CRACR2A: variants seen among roughly 807,000 people sequenced by gnomAD.
CRACR2A encodes calcium release activated channel regulator 2A.
CRACR2A carries 79 observed loss-of-function variants against 90.5 expected under a neutral mutation model. That is an observed-to-expected ratio of 0.87 (90% confidence interval 0.73 to 1.05). The LOEUF is 1.05. CRACR2A is among the 50% of genes least tolerant of loss of function. CRACR2A has a pLI of 0.00. For missense variants in CRACR2A, 823 were observed against 897.2 expected, an observed-to-expected ratio of 0.92 and a Z score of 1.06; for synonymous variants, 338 against 356.7, an observed-to-expected ratio of 0.95 and a Z score of 0.59.
At position 3,641,812 on chromosome 12, in the gene CRACR2A, T is replaced by C. The variant is rs746161966; in HGVS notation, c.1191A>G (p.Thr397=). 2.9e-5 allele frequency: 45 copies of C among 1,551,606 alleles called. No individual in the cohort carries two copies. The South Asian group carries it at 5.4e-4, about 18-fold the overall frequency. ...TTTTCCAACTTGCCCTGGAAGCAGC[T>C]GTGTTTGCCTTGGCTGCCTTATTTT... The part of the protein sequence containing the change: ...FQKNKAAKAN[T]AASRASWKKR... The change falls in exon 13 of 20, where the codon ACA becomes ACG. Residue 397 remains threonine (T), a synonymous_variant. Coordinates refer to ENST00000440314, the MANE Select transcript of CRACR2A (RefSeq NM_001144958.2).
chr12:3,737,996 G>T (rs968276580), intron 1 of CRACR2A, among the ~76,000 whole-genome samples: 1 of 152,248 alleles, frequency 6.6e-6, no homozygotes, highest in Admixed American at 6.5e-5. Context: ...GGGGTGGGGT[G>T]CCAGGCTGGC....
chr12:3,726,384 G>A (rs2137832936), intron 2 of CRACR2A: 1 of 152,238 alleles, frequency 6.6e-6, no homozygotes. Flanking sequence ...GCTCATGCAT[G>A]CCTGCACTGG....
At chr12:3,651,442 C>G (rs1170522970) in intron 10 of CRACR2A, among the ~76,000 whole-genome samples, 1 of 152,182 alleles carries the variant, frequency 6.6e-6, no homozygotes, top group Admixed American at 6.5e-5. Context: ...ACCTTTTGTG[C>G]CTTTTGAATT....
At chr12:3,715,051 C>T (rs1946062510) in intron 2 of CRACR2A, among the ~76,000 whole-genome samples, 1 of 152,196 alleles carries the variant, frequency 6.6e-6, no homozygotes, top group African/African-American at 2.4e-5. Context: ...TTGTCCCAAA[C>T]CTTGCCATCT....
chr12:3,720,944 C>A (rs1946161135), intron 2 of CRACR2A, among the ~76,000 whole-genome samples: 1 of 152,184 alleles, frequency 6.6e-6, no homozygotes, highest in Admixed American at 6.5e-5. Context: ...CAACCCCATG[C>A]AGGATGCAGA....
chr12:3,752,211 A>C (rs1053905501), intron 1 of CRACR2A, among the ~76,000 whole-genome samples: 4 of 152,200 alleles, frequency 2.6e-5, no homozygotes, highest in Non-Finnish European at 5.9e-5. Flanking sequence ...AGAGCCAAAC[A>C]GGGCAGGTTC....
chr12:3,672,932 C>A (rs972302691), intron 7 of CRACR2A: 5 of 318,346 alleles, frequency 1.6e-5, no homozygotes, highest in Non-Finnish European at 2.3e-5. Flanking sequence ...GGTCACCTTA[C>A]CAAACACGCC....
At chr12:3,648,784 A>T (rs1015571385) in intron 10 of CRACR2A, among the ~76,000 whole-genome samples, 171 bp from the exon 11 acceptor site, 4 of 152,148 alleles carry the variant, frequency 2.6e-5, no homozygotes, top group Non-Finnish European at 4.4e-5. Flanking sequence ...GGCATCACAC[A>T]TGGCCAATTT....
intron 3 of CRACR2A, among the ~76,000 whole-genome samples, chr12:3,712,281 T>C (rs988282611): frequency 6.6e-6 from 1 of 152,176 alleles, no homozygotes; most frequent in Non-Finnish European, 1.5e-5. Context: ...ATTAGGTCAT[T>C]CTTGCATTGC....
intron 1 of CRACR2A, among the ~76,000 whole-genome samples, chr12:3,747,727 G>A (rs1350618485): frequency 1.3e-5 from 2 of 152,214 alleles, no homozygotes; most frequent in Non-Finnish European, 2.9e-5. Flanking sequence ...GAAGCTGTCT[G>A]GCCAGAAACA....
chr12:3,732,034 G>A (rs1946367153), intron 2 of CRACR2A: 1 of 152,142 alleles, frequency 6.6e-6, no homozygotes, highest in African/African-American at 2.4e-5. Context: ...CTTTGTTAAG[G>A]CAGCCCTAGG....
At chr12:3,637,782 T>A (rs1300723047) in intron 14 of CRACR2A, among the ~76,000 whole-genome samples, 1 of 152,240 alleles carries the variant, frequency 6.6e-6, no homozygotes, top group Admixed American at 6.5e-5. Context: ...TGCCCCTTTG[T>A]TGAGGTGTGC....
At chr12:3,689,849 G>T (rs1197692160) in intron 4 of CRACR2A, among the ~76,000 whole-genome samples, 7 of 151,816 alleles carry the variant, frequency 4.6e-5, no homozygotes, top group Non-Finnish European at 8.8e-5. Flanking sequence ...TCTGTTCAGG[G>T]ATTCAATTTC....
intron 4 of CRACR2A, among the ~76,000 whole-genome samples, chr12:3,682,727 G>GA (rs1945479893): frequency 1.3e-5 from 2 of 152,018 alleles, no homozygotes; most frequent in South Asian, 4.2e-4. Flanking sequence ...CAGAGCCACA[G>GA]AAAACCAGCT....
intron 2 of CRACR2A, among the ~76,000 whole-genome samples, chr12:3,716,357 T>A (rs73247821): frequency 0.028 from 4,287 of 152,328 alleles, 216 homozygotes; most frequent in African/African-American, 0.098. Flanking sequence ...AGGGTCTTGA[T>A]CCCACTTGTT....
chr12:3,659,236 A>C (rs1944977146), intron 8 of CRACR2A, among the ~76,000 whole-genome samples: 2 of 152,218 alleles, frequency 1.3e-5, no homozygotes, highest in Non-Finnish European at 2.9e-5. Context: ...TCACTTGTTC[A>C]TTCATTCATT....
chr12:3,662,514 C>T (rs1161498097), intron 7 of CRACR2A, among the ~76,000 whole-genome samples: 1 of 152,156 alleles, frequency 6.6e-6, no homozygotes, highest in African/African-American at 2.4e-5. Context: ...CCACAGAGCC[C>T]TCAGTAAATG....
chr12:3,689,790 TG>T (rs1945622645), intron 4 of CRACR2A, among the ~76,000 whole-genome samples: 1 of 151,376 alleles, frequency 6.6e-6, no homozygotes, highest in Admixed American at 6.6e-5. Context: ...TTTTTTTTTT[TG>T]GTTGGTAGGC....
At chr12:3,714,829 G>T (rs1946059189) in intron 2 of CRACR2A, among the ~76,000 whole-genome samples, 1 of 152,208 alleles carries the variant, frequency 6.6e-6, no homozygotes. Context: ...TCACTTTATG[G>T]TTTACAAAGC....
Sources: allele counts gnomAD v4.1 joint callset (sites outside exome capture counted in the v4.1 genomes callset), GRCh38; gene constraint gnomAD v4.1.1; transcripts MANE v1.5; gene names NCBI Gene and HGNC (gene_info 2026-07-23, HGNC 2026-07-21).